Variants in LCORL observed in about 807,000 individuals in gnomAD.
LCORL encodes ligand-dependent nuclear receptor corepressor-like protein.
In LCORL, 41 loss-of-function variants were observed where a neutral mutation model predicts 141.8. The ratio of observed to expected loss-of-function variants is 0.29; its 90% CI spans 0.23 to 0.38. LCORL has a LOEUF of 0.38. LCORL is among the 10% of genes least tolerant of loss of function. The probability of loss-of-function intolerance (pLI) is 1.00; values close to 1 mark genes in which losing one functional copy is unlikely to be tolerated. For synonymous variants in LCORL, 618 were observed against 694.1 expected (o/e 0.89, Z 1.72); for missense variants, 1,759 against 2,035.0 (o/e 0.86, Z 2.61).
intron 1 of LCORL, among the ~76,000 whole-genome samples, chr4:17,990,541 G>A (rs1334390989): frequency 1.3e-5 from 2 of 152,032 alleles, no homozygotes; most frequent in Non-Finnish European, 2.9e-5. Flanking sequence ...GGTCTTGAGG[G>A]CTGTCTTAGA....
chr4:17,889,051 T>C (rs528022567), intron 5 of LCORL, among the ~76,000 whole-genome samples: 1 of 152,132 alleles, frequency 6.6e-6, no homozygotes, highest in Non-Finnish European at 1.5e-5. Flanking sequence ...TGGAAGGAGG[T>C]ACAGGAACCC....
At chr4:17,913,645 C>T (rs529698931) in intron 4 of LCORL, among the ~76,000 whole-genome samples, 6 of 152,262 alleles carry the variant, frequency 3.9e-5, no homozygotes, top group South Asian at 4.1e-4. Context: ...CCAGGGTGTC[C>T]GCCACAACAA....
At chr4:17,951,474 C>G (rs1403778235) in intron 4 of LCORL, among the ~76,000 whole-genome samples, 2 of 152,168 alleles carry the variant, frequency 1.3e-5, no homozygotes, top group Non-Finnish European at 2.9e-5. Context: ...TATTTTAATT[C>G]CTGAAATATA....
intron 7 of LCORL, among the ~76,000 whole-genome samples, chr4:17,872,566 G>C (rs1384434996): frequency 6.6e-6 from 1 of 152,092 alleles, no homozygotes; most frequent in Admixed American, 6.6e-5. Context: ...TAGGGTCCCT[G>C]AGTCTCCCTG....
intron 4 of LCORL, among the ~76,000 whole-genome samples, chr4:17,932,062 C>G (rs1180445541): frequency 6.6e-6 from 1 of 152,108 alleles, no homozygotes; most frequent in Non-Finnish European, 1.5e-5. Context: ...TAATTTCTAC[C>G]CTGGGTAACA....
rs557559915 is a variant in LCORL, at chr4:17,994,611, T to C, written c.155-21726A>G. Among the ~76,000 whole-genome samples the C allele has an allele frequency of 6.2e-4, 95 of 152,170 alleles. 3 individuals are homozygous for C. Among genetic ancestry groups the C allele is most frequent in the Non-Finnish European group, 3.7e-4 (25 of 68,020 alleles). ...TGTATTATTCCCTTTGGAACACTGA[T>C]CACAACTCTACTTCATCACCTGTAA... On this transcript the variant is annotated intron_variant, in intron 1 of 7. Transcript: ENST00000635767.
At chr4:17,917,131 C>T (rs1179061238) in intron 4 of LCORL, among the ~76,000 whole-genome samples, 7 of 152,000 alleles carry the variant, frequency 4.6e-5, no homozygotes, top group African/African-American at 7.2e-5. Context: ...TGTGCTACTG[C>T]GCCCAGCTAA....
At chr4:17,859,465 C>T (rs1368189700) in intron 7 of LCORL, among the ~76,000 whole-genome samples, 1 of 151,968 alleles carries the variant, frequency 6.6e-6, no homozygotes, top group Non-Finnish European at 1.5e-5. Flanking sequence ...CATACAAAGG[C>T]AGAGTGAATT....
chr4:17,933,625 T>TAA (rs1400691796), intron 4 of LCORL, among the ~76,000 whole-genome samples: 1 of 152,140 alleles, frequency 6.6e-6, no homozygotes, highest in African/African-American at 2.4e-5. Flanking sequence ...TAACAATATA[T>TAA]AATTCACTTT....
chr4:17,876,771 T>G lies in LCORL; in HGVS notation c.2219A>C (p.Asp740Ala), dbSNP rs1165308936. 17 of 1,230,698 alleles carry G rather than the reference T, an allele frequency of 1.4e-5. No individual in the cohort carries two copies. The Middle Eastern group carries it at 9.3e-4, about 67-fold the overall frequency. The allele number at this position is 1,230,698 out of a possible 1,614,324, so 76.2% of individuals were successfully genotyped here. The change falls in exon 7 of 8, where the codon GAT becomes GCT. Residue 740 changes from aspartate to alanine, a missense_variant. Asp to Ala is a moderately radical substitution (Grantham distance 126). Around this residue, in one of 5 missense-constraint regions of LCORL, gnomAD observed 1,311 missense variants for 1,531.3 expected, o/e 0.86. Transcript: ENST00000635767. ...ATCATTTTGCAAAAATTGTTTTCCA[T>G]CTGCAGATTTCTCCTGTGGCTTTCT... is the stretch of plus-strand genomic sequence containing the variant.
intron 4 of LCORL, among the ~76,000 whole-genome samples, chr4:17,919,480 T>C (rs937032765): frequency 1.3e-5 from 2 of 152,160 alleles, no homozygotes; most frequent in African/African-American, 2.4e-5. Flanking sequence ...ATATTAGATA[T>C]TGCAGGTTCA....
chr4:18,021,512 C>A lies in LCORL; in HGVS notation c.154+86G>T. ...ACCGAACTAACCCGAACGGGAGATT[C>A]AACTAAACCCCTCAGCCACAAACTC... On this transcript the variant is annotated intron_variant, in intron 1 of 7. Coordinates refer to ENST00000635767, the Ensembl canonical transcript of LCORL. This position sits in a 1 kb window ranked among gnomAD's most constrained non-coding sequence, Gnocchi z 5.5. 7 of 1,218,856 alleles carry A rather than the reference C, an allele frequency of 5.7e-6. No individual in the cohort carries two copies. Among genetic ancestry groups the A allele is most frequent in the South Asian group, 1.5e-5 (1 of 65,030 alleles). 75.5% of individuals were successfully genotyped at this position (1,218,856 alleles called of 1,614,324 possible).
At position 18,021,686 on chromosome 4, in the gene LCORL, AGCGGCGGCG is replaced by A. The variant is rs751821670; in HGVS notation, c.57_65del (p.Ala20_Ala22del). ...CCGCGCACCGAGGGCTCCGGCACTG[AGCGGCGGCG>A]GCGGCGGCGGCAGCAGCGGCGGCGG... On this transcript the variant is annotated inframe_deletion, in exon 1 of 8. Transcript: ENST00000635767. This position sits in a 1 kb window ranked among gnomAD's most constrained non-coding sequence, Gnocchi z 5.5. 2.1e-5 allele frequency: 32 copies of A among 1,533,516 alleles called. No homozygotes were observed. Among genetic ancestry groups the A allele is most frequent in the African/African-American group, 4.2e-5 (3 of 71,122 alleles). The allele number at this position is 1,533,516 out of a possible 1,614,324, so 95.0% of individuals were successfully genotyped here.
chr4:18,017,798 G>T (rs1343943109), intron 1 of LCORL, among the ~76,000 whole-genome samples: 1 of 152,100 alleles, frequency 6.6e-6, no homozygotes, highest in East Asian at 1.9e-4. Flanking sequence ...ATCTGAATAT[G>T]GACCATAAAT....
intron 1 of LCORL, among the ~76,000 whole-genome samples, chr4:17,994,836 C>T (rs991824888): frequency 7.3e-5 from 11 of 151,144 alleles, no homozygotes; most frequent in Admixed American, 1.3e-4. Flanking sequence ...AAATGCCATA[C>T]AATACTATAA....
At chr4:17,844,582 T>C (rs1722741407) in exon 8 of LCORL, 1 of 152,426 alleles carries the variant, frequency 6.6e-6, no homozygotes, top group Admixed American at 6.6e-5. Context: ...GAAAGTCAGT[T>C]AAAAATAGAT....
intron 2 of LCORL, among the ~76,000 whole-genome samples, chr4:17,971,490 T>C (rs1465443464): frequency 1.3e-5 from 2 of 151,550 alleles, no homozygotes; most frequent in Non-Finnish European, 3.0e-5. Flanking sequence ...TTGAATGACC[T>C]ATAATGAGCA....
intron 4 of LCORL, among the ~76,000 whole-genome samples, chr4:17,933,598 T>C (rs557840586): frequency 4.6e-5 from 7 of 152,264 alleles, no homozygotes; most frequent in Admixed American, 2.6e-4. Context: ...TTTTATCATA[T>C]CTGCCAATGC....
chr4:18,004,393 T>C (rs1342008317), intron 1 of LCORL, among the ~76,000 whole-genome samples: 2 of 152,028 alleles, frequency 1.3e-5, no homozygotes, highest in Non-Finnish European at 2.9e-5. Context: ...TGGCAGAAGG[T>C]GTAAGGCACA....
Sources: gnomAD v4.1 joint callset for allele counts (sites outside exome capture counted in the v4.1 genomes callset) on GRCh38, gnomAD v4.1.1 for gene constraint, gnomAD v4.1.1 regional missense constraint, Gnocchi (gnomAD v3.1) non-coding constraint, MANE v1.5 for transcripts, NCBI Gene and HGNC (gene_info 2026-07-23, HGNC 2026-07-21) for gene names.